IFRD1: variants seen among roughly 807,000 people sequenced by gnomAD.
IFRD1 encodes the protein interferon-related developmental regulator 1.
Under a neutral mutation model 52.9 loss-of-function variants are expected in IFRD1, and 35 were observed. The observed-to-expected ratio is 0.66, with a 90% CI of 0.51 to 0.88. The LOEUF is 0.88. IFRD1 is among the 40% of genes least tolerant of loss of function. IFRD1 has a pLI of 0.00. For synonymous variants in IFRD1, 184 were observed against 188.4 expected (o/e 0.98, Z 0.19); for missense variants, 517 against 550.8 (o/e 0.94, Z 0.61).
chr7:112,431,776 A>C (rs1794552750), intron 1 of IFRD1, among the ~76,000 whole-genome samples: 2 of 152,240 alleles, frequency 1.3e-5, no homozygotes, highest in Admixed American at 1.3e-4. Flanking sequence ...GGGGCTACCA[A>C]GTATTCTGTC....
chr7:112,423,904 A>C (rs1236584727), intron 1 of IFRD1, among the ~76,000 whole-genome samples: 2 of 152,222 alleles, frequency 1.3e-5, no homozygotes, highest in Non-Finnish European at 2.9e-5. Context: ...ATTCAGTGTG[A>C]CTGAAGAGGC....
In IFRD1 at chr7:112,476,361, C is replaced by A. The variant is rs1441959866; in HGVS notation, c.*842C>A. 6.6e-6 allele frequency: 1 copy of A among 152,144 alleles called. No homozygotes were observed. The highest frequency in any genetic ancestry group is 6.5e-5 in the Admixed American group (1 of 15,270). 9.4% of individuals were successfully genotyped at this position (152,144 alleles called of 1,614,324 possible). On this transcript the variant is annotated 3_prime_UTR_variant, in exon 12 of 12. Coordinates refer to ENST00000403825, the MANE Select transcript of IFRD1 (RefSeq NM_001550.4). ...AATTGGGATTAAGGTTTCTGACTTTCAAGAATATTTCTGCTTGGCAACATG... is the reference window on the plus strand; with the variant it reads ...AATTGGGATTAAGGTTTCTGACTTTAAAGAATATTTCTGCTTGGCAACATG...
intron 1 of IFRD1, among the ~76,000 whole-genome samples, chr7:112,440,134 C>T (rs528843386): frequency 2.0e-5 from 3 of 152,036 alleles, no homozygotes; most frequent in East Asian, 1.9e-4. Flanking sequence ...TACAGGCGTT[C>T]GCCACCATGC....
intron 1 of IFRD1, chr7:112,452,169 G>A: frequency 2.4e-6 from 2 of 822,452 alleles, no homozygotes; most frequent in Non-Finnish European, 2.8e-6. Flanking sequence ...TTTTTTTTTT[G>A]TTAAGGGAAA....
intron 8 of IFRD1, chr7:112,467,576 A>T (rs1488835127): frequency 4.8e-6 from 1 of 206,694 alleles, no homozygotes; most frequent in East Asian, 1.2e-4. Flanking sequence ...TTGTAGCTTT[A>T]TGCCTTTGGG....
rs181427937 is a variant in IFRD1, at chr7:112,474,316, G to A, written c.1267-1114G>A. 2.3e-3 allele frequency among the ~76,000 whole-genome samples: 348 copies of A among 152,234 alleles called. 1 individual carries two copies. Among genetic ancestry groups the A allele is most frequent in the African/African-American group, 8.0e-3 (331 of 41,544 alleles). On this transcript the variant is annotated intron_variant, in intron 11 of 11. Transcript: ENST00000403825. ...GATAGTTTTACATTTAACTTTCTCA[G>A]AAACCACCAAACTCTTTTCCATAGC...
At chr7:112,447,381 G>A (rs890454829), upstream of IFRD1, among the ~76,000 whole-genome samples, 5 of 152,214 alleles carry the variant, frequency 3.3e-5, no homozygotes, top group African/African-American at 1.2e-4. Flanking sequence ...TAGAGCATGA[G>A]AGTATTTTGC....
intron 1 of IFRD1, among the ~76,000 whole-genome samples, chr7:112,453,387 G>A (rs979617603): frequency 1.7e-4 from 26 of 152,084 alleles, no homozygotes; most frequent in Non-Finnish European, 3.5e-4. Context: ...ATCACAGTGT[G>A]GGTGGGTGAG....
At chr7:112,446,593 G>C (rs1040315927), upstream of IFRD1, among the ~76,000 whole-genome samples, 2 of 152,142 alleles carry the variant, frequency 1.3e-5, no homozygotes, top group Admixed American at 1.3e-4. Context: ...GGGTGAGGAT[G>C]CGACCTTAGA....
chr7:112,462,151 A>C lies in IFRD1; in HGVS notation c.769A>C (p.Ile257Leu). ...AWTLLLTICP[I>L]NEVKKKLEMH... The stretch of plus-strand genomic sequence containing the variant: ...GACACTACTGCTGACCATATGCCCA[A>C]TCAATGAAGTGAAGAAAAAGCTTGA... Residue 257 changes from isoleucine (I) to leucine (L), a missense_variant, in exon 7 of 12, where the codon ATC (isoleucine) becomes CTC (leucine). By Grantham distance (5) the Ile-to-Leu change is conservative. Transcript: ENST00000403825. 3 of 1,613,928 alleles carry C rather than the reference A, an allele frequency of 1.9e-6. No individual in the cohort carries two copies. The African/African-American group carries it at 4.0e-5, about 22-fold the overall frequency.
chr7:112,428,895 C>A (rs1413820984), intron 1 of IFRD1, among the ~76,000 whole-genome samples: 1 of 152,142 alleles, frequency 6.6e-6, no homozygotes, highest in Non-Finnish European at 1.5e-5. Context: ...AAAACGTTGA[C>A]ATCATGTCAA....
At chr7:112,471,127 TAACTC>T (rs1795734401) in intron 9 of IFRD1, among the ~76,000 whole-genome samples, 1 of 152,210 alleles carries the variant, frequency 6.6e-6, no homozygotes, top group Non-Finnish European at 1.5e-5. Flanking sequence ...TGAAATAAGA[TAACTC>T]TACTGTTATT....
chr7:112,463,957 CAT>C (rs1795541923), intron 8 of IFRD1, among the ~76,000 whole-genome samples: 2 of 150,124 alleles, frequency 1.3e-5, no homozygotes, highest in Non-Finnish European at 3.0e-5. Context: ...CTCATCCAGA[CAT>C]ATTTCATTTG....
chr7:112,460,382 C>G (rs1795406629), intron 5 of IFRD1, among the ~76,000 whole-genome samples: 1 of 150,996 alleles, frequency 6.6e-6, no homozygotes, highest in South Asian at 2.1e-4. Context: ...GTAGCTGGGA[C>G]TATAGGCATG....
intron 8 of IFRD1, among the ~76,000 whole-genome samples, chr7:112,463,892 A>C (rs1348174984): frequency 2.1e-3 from 37 of 17,956 alleles, no homozygotes; most frequent in African/African-American, 0.02. Context: ...ACACACACAC[A>C]CACCCCACGT....
At chr7:112,454,488 C>T (rs892100020) in intron 1 of IFRD1, among the ~76,000 whole-genome samples, 6 of 152,086 alleles carry the variant, frequency 3.9e-5, no homozygotes, top group African/African-American at 9.7e-5. Context: ...CCACCGCACC[C>T]GGCCAGCATT....
intron 1 of IFRD1, among the ~76,000 whole-genome samples, chr7:112,444,305 A>G (rs1375233085): frequency 6.6e-6 from 1 of 152,254 alleles, no homozygotes; most frequent in African/African-American, 2.4e-5. Context: ...TCAAAACTGA[A>G]AACCACAAAG....
intron 4 of IFRD1, among the ~76,000 whole-genome samples, 189 bp from the exon 5 acceptor site, chr7:112,458,672 T>G (rs1795353666): frequency 6.6e-6 from 1 of 152,196 alleles, no homozygotes; most frequent in South Asian, 2.1e-4. Flanking sequence ...GGATCTAGGA[T>G]TTGAGTGAGG....
chr7:112,450,937 G>T (rs1795144882), intron 1 of IFRD1, 155 bp downstream of exon 1: 2 of 677,534 alleles, frequency 3.0e-6, no homozygotes, highest in East Asian at 5.1e-5. Flanking sequence ...TTCCCAGCGT[G>T]CCCTGGGCGC....
Sources: gnomAD v4.1 joint callset for allele counts (sites outside exome capture counted in the v4.1 genomes callset) on GRCh38, gnomAD v4.1.1 for gene constraint, MANE v1.5 for transcripts, NCBI Gene and HGNC (gene_info 2026-07-23, HGNC 2026-07-21) for gene names.